The following ADGRL1 variants were observed in gnomAD, a reference collection of about 807,000 sequenced individuals.
ADGRL1 encodes adhesion G protein-coupled receptor L1.
ADGRL1 carries 31 observed loss-of-function variants against 148.9 expected under a neutral mutation model. The observed-to-expected ratio is 0.21, with a 90% CI of 0.16 to 0.28. The LOEUF is 0.28. Among genes scored for constraint, ADGRL1 ranks in the 10% least tolerant of loss-of-function variants. ADGRL1 has a pLI of 1.00. For synonymous variants in ADGRL1, 937 were observed against 900.3 expected, an observed-to-expected ratio of 1.04 and a Z score of -0.73; for missense variants, 1,521 against 2,058.8, an observed-to-expected ratio of 0.74 and a Z score of 5.05.
chr19:14,181,171 CAGA>C (rs1264397935), intron 2 of ADGRL1, among the ~76,000 whole-genome samples: 4 of 152,250 alleles, frequency 2.6e-5, no homozygotes, highest in Non-Finnish European at 5.9e-5. Context: ...TCATTGGTGT[CAGA>C]AGTGAGGCTT....
intron 3 of ADGRL1, among the ~76,000 whole-genome samples, chr19:14,174,103 T>C (rs1399361863): frequency 6.6e-6 from 1 of 152,066 alleles, no homozygotes; most frequent in African/African-American, 2.4e-5. Context: ...CGGTAACTAT[T>C]CTGCACAGCA....
intron 15 of ADGRL1, 94 bp downstream of exon 15, chr19:14,156,831 G>A: frequency 1.3e-6 from 2 of 1,526,614 alleles, no homozygotes; most frequent in Non-Finnish European, 1.8e-6. Flanking sequence ...ATCAGGAGGA[G>A]GAAGGGACTA....
At position 14,161,784 on chromosome 19, in the gene ADGRL1, C is replaced by T. The variant is rs1252075141; in HGVS notation, c.1196-158G>A. Among the ~76,000 whole-genome samples, 2 of 152,138 alleles carry T rather than the reference C, an allele frequency of 1.3e-5. No homozygotes were observed. Among genetic ancestry groups the T allele is most frequent in the Non-Finnish European group, 2.9e-5 (2 of 68,010 alleles). Reference sequence around the variant, plus strand: ...GGTCTATGAGTTGATCTCCCCTGGCCGCTCTGTGCCCACCAAAGTCCCTTA... The same window carrying T: ...GGTCTATGAGTTGATCTCCCCTGGCTGCTCTGTGCCCACCAAAGTCCCTTA... On this transcript the variant is annotated intron_variant, in intron 5 of 22. Coordinates refer to ENST00000361434, the MANE Select transcript of ADGRL1 (RefSeq NM_014921.5). The surrounding 1 kb of genome is among the most constrained non-coding windows in gnomAD (Gnocchi z 4.4).
intron 1 of ADGRL1, among the ~76,000 whole-genome samples, chr19:14,185,405 T>C (rs1971519947): frequency 6.6e-6 from 1 of 152,168 alleles, no homozygotes; most frequent in African/African-American, 2.4e-5. Context: ...GTGATGCTCC[T>C]ACTTCAGCCT....
intron 1 of ADGRL1, among the ~76,000 whole-genome samples, chr19:14,184,617 TA>T (rs1971447552): frequency 7.9e-6 from 1 of 126,344 alleles, no homozygotes; most frequent in South Asian, 2.5e-4. Flanking sequence ...TTTATTTATT[TA>T]TTTATTTATT....
In ADGRL1 at chr19:14,160,555, A is replaced by G. The variant is rs1233595136; in HGVS notation, c.1614+38T>C. 6.8e-7 allele frequency: 1 copy of G among 1,467,530 alleles called. No individual in the cohort carries two copies. The highest frequency in any genetic ancestry group is 1.4e-5 in the African/African-American group (1 of 71,664). 90.9% of individuals were successfully genotyped at this position (1,467,530 alleles called of 1,614,324 possible). A position where few individuals can be genotyped will look rare whatever the true frequency, so the allele number is the denominator to read the frequency against. On this transcript the variant is annotated intron_variant, in intron 7 of 22. Coordinates refer to ENST00000361434, the MANE Select transcript of ADGRL1 (RefSeq NM_014921.5). The surrounding 1 kb of genome is among the most constrained non-coding windows in gnomAD (Gnocchi z 5.9). ...CGCTGGGCCCTGGGCCCTGGGCCCGAGCACATGTGCCTGCCTGCGAGGGGT... is the reference window on the plus strand; with the variant it reads ...CGCTGGGCCCTGGGCCCTGGGCCCGGGCACATGTGCCTGCCTGCGAGGGGT...
Position 14,161,756 on chromosome 19 carries a change from CTG to C in ADGRL1, c.1196-132_1196-131del, listed in dbSNP as rs1247266706. On this transcript the variant is annotated intron_variant, in intron 5 of 22. Coordinates refer to ENST00000361434, the MANE Select transcript of ADGRL1 (RefSeq NM_014921.5). This position sits in a 1 kb window ranked among gnomAD's most constrained non-coding sequence, Gnocchi z 4.4. Reference sequence around the variant, plus strand: ...AAGTGGAAACACGTGCCGGGCCCCACTGGGTCTATGAGTTGATCTCCCCTGGC... The same window carrying C: ...AAGTGGAAACACGTGCCGGGCCCCACGGTCTATGAGTTGATCTCCCCTGGC... The C allele has an allele frequency of 3.2e-6, 2 of 625,864 alleles. No homozygotes were observed. Among genetic ancestry groups the C allele is most frequent in the African/African-American group, 3.8e-5 (2 of 52,060 alleles). The allele number at this position is 625,864 out of a possible 1,614,324, so 38.8% of individuals were successfully genotyped here.
intron 1 of ADGRL1, among the ~76,000 whole-genome samples, chr19:14,195,193 T>C (rs767763685): frequency 6.6e-6 from 1 of 152,070 alleles, no homozygotes; most frequent in Non-Finnish European, 1.5e-5. Context: ...CACCCAGCCA[T>C]AGGCGACCCT....
At chr19:14,163,502 G>GA in intron 4 of ADGRL1, 96 bp from the exon 5 acceptor site, 2 of 906,378 alleles carry the variant, frequency 2.2e-6, no homozygotes, top group Non-Finnish European at 3.2e-6. Flanking sequence ...GAGAGAGGGG[G>GA]GAGAGAGGCA....
At position 14,160,431 on chromosome 19, in the gene ADGRL1, C is replaced by T. The variant is rs1349802317; in HGVS notation, c.1615-134G>A. ...CCCATCGCCATCTGCCCCTTCCCAC[C>T]CCATCTGTCCCTGCTCCCTTTGTAG... On this transcript the variant is annotated intron_variant, in intron 7 of 22. Coordinates refer to ENST00000361434, the MANE Select transcript of ADGRL1 (RefSeq NM_014921.5). The surrounding 1 kb of genome is among the most constrained non-coding windows in gnomAD (Gnocchi z 5.9). 42 of 945,220 alleles carry T rather than the reference C, an allele frequency of 4.4e-5. No homozygotes were observed. Among genetic ancestry groups the T allele is most frequent in the Non-Finnish European group, 3.1e-6 (2 of 641,706 alleles). The allele number at this position is 945,220 out of a possible 1,614,324, so 58.6% of individuals were successfully genotyped here. A position where few individuals can be genotyped will look rare whatever the true frequency, so the allele number is the denominator to read the frequency against.
intron 4 of ADGRL1, among the ~76,000 whole-genome samples, chr19:14,165,298 G>T (rs895823977): frequency 2.0e-5 from 3 of 152,178 alleles, no homozygotes; most frequent in Non-Finnish European, 4.4e-5. Context: ...ATGCCCTGAG[G>T]GGTCGGCCTG....
chr19:14,203,530 A>T (rs1388397175), intron 1 of ADGRL1, among the ~76,000 whole-genome samples: 2 of 151,882 alleles, frequency 1.3e-5, no homozygotes, highest in Non-Finnish European at 2.9e-5. Context: ...ATGCAGGTGG[A>T]GAGGCCACCC....
chr19:14,152,464 GC>G lies in ADGRL1; in HGVS notation c.3521-28del. The G allele has an allele frequency of 6.2e-7, 1 of 1,608,200 alleles. No individual in the cohort carries two copies. Among genetic ancestry groups the G allele is most frequent in the Non-Finnish European group, 8.5e-7 (1 of 1,175,390 alleles). On this transcript the variant is annotated intron_variant, in intron 20 of 22. Transcript: ENST00000361434. This position sits in a 1 kb window ranked among gnomAD's most constrained non-coding sequence, Gnocchi z 6.1. ...TGGCCAAAGGATCAGAGGTCACAAG[GC>G]AGCCGGGAGCCTCCAGAGACTGAAG...
At position 14,163,048 on chromosome 19, in the gene ADGRL1, G is replaced by C. The variant is rs762915128; in HGVS notation, c.753C>G (p.Asp251Glu). Residue 251 changes from aspartate (D) to glutamate (E), a missense_variant, in exon 5 of 23, where the codon GAC becomes GAG. Transcript: ENST00000361434. Reference protein sequence around the residue: ...ETVINTANYHDTSPYRWGGKT... With the variant: ...ETVINTANYHETSPYRWGGKT... ...TTCCGCCCCAGCGGTAGGGCGAGGT[G>C]TCATGGTAGTTGGCGGTATTGATGA... The C allele has an allele frequency of 3.7e-6, 6 of 1,614,146 alleles. No individual in the cohort carries two copies. The highest frequency in any genetic ancestry group is 5.1e-6 in the Non-Finnish European group (6 of 1,180,034).
At chr19:14,177,806 C>T (rs1970928324) in intron 2 of ADGRL1, 62 bp from the exon 3 acceptor site, 1 of 1,471,122 alleles carries the variant, frequency 6.8e-7, no homozygotes, top group Non-Finnish European at 9.3e-7. Context: ...AAGACCCTAC[C>T]CACTGCCAAG....
intron 1 of ADGRL1, among the ~76,000 whole-genome samples, chr19:14,202,732 C>G (rs1972695571): frequency 1.3e-5 from 2 of 152,140 alleles, no homozygotes; most frequent in Admixed American, 1.3e-4. Flanking sequence ...GAGCACACAA[C>G]TGCAGGTGCA....
In ADGRL1 at chr19:14,172,959, TTTATTA is replaced by T. The variant is rs567308168; in HGVS notation, c.285-2174_285-2169del. ...TAGTCTCTCACTGTGCCTAACGTAT[TTTATTA>T]TTATTATGTTTTGAGACAGGGTCCC... On this transcript the variant is annotated intron_variant, in intron 3 of 22. Coordinates refer to ENST00000361434, the MANE Select transcript of ADGRL1 (RefSeq NM_014921.5). 1.5e-3 allele frequency among the ~76,000 whole-genome samples: 234 copies of T among 152,176 alleles called. 1 individual carries two copies. Among genetic ancestry groups the T allele is most frequent in the African/African-American group, 5.4e-3 (225 of 41,500 alleles).
chr19:14,192,398 G>A (rs531548431), intron 1 of ADGRL1, among the ~76,000 whole-genome samples: 64 of 147,434 alleles, frequency 4.3e-4, no homozygotes, highest in Non-Finnish European at 6.0e-4. Context: ...ACGCCACCAC[G>A]CCTGCCTAAT....
At chr19:14,194,099 CT>C (rs1972112313) in intron 1 of ADGRL1, among the ~76,000 whole-genome samples, 2 of 152,204 alleles carry the variant, frequency 1.3e-5, no homozygotes, top group Admixed American at 1.3e-4. Context: ...AAAAAAGTAG[CT>C]GGGCATGATG....
Sources: allele counts gnomAD v4.1 joint callset (sites outside exome capture counted in the v4.1 genomes callset), GRCh38; gene constraint gnomAD v4.1.1; non-coding constraint Gnocchi (gnomAD v3.1); transcripts MANE v1.5; gene names NCBI Gene and HGNC (gene_info 2026-07-23, HGNC 2026-07-21).